Variants in GNB1L observed in about 807,000 individuals in gnomAD.
GNB1L encodes G protein subunit beta 1 like.
In GNB1L, 20 loss-of-function variants were observed where a neutral mutation model predicts 29.1. The observed-to-expected ratio is 0.69, with a 90% CI of 0.48 to 1.00. GNB1L has a LOEUF of 1.00. Ranked by LOEUF, GNB1L falls within the 50% of genes least tolerant of loss-of-function variation. The pLI is 0.00. For synonymous variants in GNB1L, 193 were observed against 206.5 expected (o/e 0.93, Z 0.56); for missense variants, 421 against 464.9 (o/e 0.91, Z 0.87).
At chr22:19,803,262 C>T (rs953083696) in intron 6 of GNB1L, among the ~76,000 whole-genome samples, 6 of 152,338 alleles carry the variant, frequency 3.9e-5, no homozygotes, top group Non-Finnish European at 7.4e-5. Context: ...ATACATGTCC[C>T]TGAAAAAGAC....
At chr22:19,839,552 G>A (rs1937821813) in intron 2 of GNB1L, among the ~76,000 whole-genome samples, 1 of 152,066 alleles carries the variant, frequency 6.6e-6, no homozygotes, top group Admixed American at 6.6e-5. Flanking sequence ...AGACCAGCCT[G>A]GGCAACACAG....
intron 4 of GNB1L, among the ~76,000 whole-genome samples, chr22:19,815,458 T>G (rs1271814611): frequency 6.6e-6 from 1 of 152,004 alleles, no homozygotes; most frequent in East Asian, 1.9e-4. Context: ...GAGATGGGGG[T>G]GTCCTCAGCA....
In GNB1L at chr22:19,783,501, G is replaced by T. The variant is rs951907986; in HGVS notation, c.*5208C>A. 2.1e-5 allele frequency: 5 copies of T among 242,008 alleles called. No individual in the cohort carries two copies. Among genetic ancestry groups the T allele is most frequent in the Non-Finnish European group, 4.1e-5 (5 of 121,352 alleles). 15.0% of individuals were successfully genotyped at this position (242,008 alleles called of 1,614,324 possible). A position where few individuals can be genotyped will look rare whatever the true frequency, so the allele number is the denominator to read the frequency against. ...TTAGTTGGAGGCTGCAGTAAGCTAT[G>T]ATCATGCCACTGCACTCCAGCCTGG... On this transcript the variant is annotated 3_prime_UTR_variant, in exon 8 of 8. Coordinates refer to ENST00000329517, the MANE Select transcript of GNB1L (RefSeq NM_053004.3).
intron 2 of GNB1L, chr22:19,846,448 T>C (rs911765673): frequency 1.5e-5 from 15 of 985,328 alleles, no homozygotes; most frequent in Non-Finnish European, 1.7e-5. Context: ...CTCCTCAGTA[T>C]GGGCCCCAGA....
At chr22:19,792,369 A>C in intron 7 of GNB1L, 1 of 1,381,460 alleles carries the variant, frequency 7.2e-7, no homozygotes, top group Non-Finnish European at 1.0e-6. Context: ...GGAGGCTAAG[A>C]AAGTGGTGAA....
intron 2 of GNB1L, among the ~76,000 whole-genome samples, chr22:19,838,758 C>T (rs955152185): frequency 3.3e-5 from 5 of 152,138 alleles, no homozygotes; most frequent in Non-Finnish European, 7.3e-5. Flanking sequence ...TGTGCCCAGC[C>T]CAGTTTCTTA....
intron 2 of GNB1L, among the ~76,000 whole-genome samples, chr22:19,840,019 A>T (rs1022849316): frequency 6.6e-6 from 1 of 151,900 alleles, no homozygotes; most frequent in Non-Finnish European, 1.5e-5. Flanking sequence ...AGCTATGCTC[A>T]CACCACTGCA....
At chr22:19,839,513 G>A (rs987641684) in intron 2 of GNB1L, among the ~76,000 whole-genome samples, 1 of 152,108 alleles carries the variant, frequency 6.6e-6, no homozygotes, top group Non-Finnish European at 1.5e-5. Flanking sequence ...GGAGGCCAAG[G>A]CAGGAGGATC....
intron 4 of GNB1L, among the ~76,000 whole-genome samples, chr22:19,815,232 C>T (rs1937519850): frequency 1.3e-5 from 2 of 152,162 alleles, no homozygotes; most frequent in South Asian, 2.1e-4. Flanking sequence ...GTGCGGTGTG[C>T]GGTGTGCAGT....
chr22:19,842,493 C>T (rs73379987), intron 2 of GNB1L, among the ~76,000 whole-genome samples: 1,759 of 152,326 alleles, frequency 0.012, 33 homozygotes, highest in African/African-American at 0.04. Context: ...GGCTCTCAGC[C>T]CAGGACGGGG....
Position 19,814,801 on chromosome 22 carries a change from G to A in GNB1L, c.255-2354C>T, listed in dbSNP as rs148420942. 1.2e-3 allele frequency among the ~76,000 whole-genome samples: 185 copies of A among 152,318 alleles called. 1 individual carries two copies. Among genetic ancestry groups the A allele is most frequent in the African/African-American group, 4.3e-3 (177 of 41,574 alleles). On this transcript the variant is annotated intron_variant, in intron 4 of 7. Transcript: ENST00000329517. ...CAGTGGATCATACCTAGAAGGTGGA[G>A]GTGGGAGGACTGCTCGAGCCCAGGA...
rs139095520 is a variant in GNB1L at position 19,818,057 on chromosome 22, G to A, written c.254+2541C>T. 1.3e-3 allele frequency among the ~76,000 whole-genome samples: 191 copies of A among 152,352 alleles called. 1 individual carries two copies. The highest frequency in any genetic ancestry group is 4.4e-3 in the African/African-American group (183 of 41,586). On this transcript the variant is annotated intron_variant, in intron 4 of 7. Transcript: ENST00000329517. ...CCAAACACAGCTGAGCACAGGCCGG[G>A]TGGCGGCCCACAGGCTCTAGTACAG...
chr22:19,850,201 A>G (rs1938061449), intron 2 of GNB1L: 2 of 985,722 alleles, frequency 2.0e-6, no homozygotes, highest in South Asian at 9.4e-5. Flanking sequence ...TGGGAAACAA[A>G]GACTTGCTGG....
intron 7 of GNB1L, among the ~76,000 whole-genome samples, chr22:19,790,412 C>A (rs188107294): frequency 2.6e-5 from 4 of 152,244 alleles, no homozygotes; most frequent in South Asian, 2.1e-4. Context: ...GAGAACCCCC[C>A]ACCATAAGTA....
chr22:19,793,212 A>G (rs960575288), intron 7 of GNB1L: 3 of 627,060 alleles, frequency 4.8e-6, no homozygotes, highest in Admixed American at 5.6e-5. Flanking sequence ...GTCTTGAGTG[A>G]GCAAATAGGA....
At chr22:19,799,391 A>T (rs1018800013) in intron 7 of GNB1L, among the ~76,000 whole-genome samples, 2 of 152,232 alleles carry the variant, frequency 1.3e-5, no homozygotes, top group Admixed American at 6.5e-5. Context: ...AGGCACCCTC[A>T]GGTGGTATCC....
chr22:19,823,177 T>G (rs1937592519), intron 2 of GNB1L, among the ~76,000 whole-genome samples: 1 of 152,238 alleles, frequency 6.6e-6, no homozygotes, highest in Admixed American at 6.5e-5. Context: ...CTTTACTAAC[T>G]GCCAAGTCCC....
intron 2 of GNB1L, among the ~76,000 whole-genome samples, chr22:19,824,371 G>A (rs1937602894): frequency 6.6e-6 from 1 of 152,210 alleles, no homozygotes; most frequent in South Asian, 2.1e-4. Flanking sequence ...GCGCCCAGCT[G>A]TCCTTGCGGT....
At chr22:19,850,034 T>G (rs970631768) in intron 2 of GNB1L, 1 of 985,788 alleles carries the variant, frequency 1.0e-6, no homozygotes, top group Admixed American at 6.1e-5. Context: ...CCTACAGCTC[T>G]CGGAAGTCAG....
Sources: gnomAD v4.1 joint callset for allele counts (sites outside exome capture counted in the v4.1 genomes callset) on GRCh38, gnomAD v4.1.1 for gene constraint, MANE v1.5 for transcripts, NCBI Gene and HGNC (gene_info 2026-07-23, HGNC 2026-07-21) for gene names.